ADGRL2: variants seen among roughly 807,000 people sequenced by gnomAD.
The protein encoded by ADGRL2 is adhesion G protein-coupled receptor L2.
Under a neutral mutation model 157.4 loss-of-function variants are expected in ADGRL2, and 44 were observed. The ratio of observed to expected loss-of-function variants is 0.28; its 90% CI spans 0.22 to 0.36. The LOEUF is 0.36. Ranked by LOEUF, ADGRL2 falls within the 10% of genes least tolerant of loss-of-function variation. The probability of loss-of-function intolerance (pLI) is 1.00; values close to 1 mark genes in which losing one functional copy is unlikely to be tolerated. For synonymous variants in ADGRL2, 585 were observed against 624.7 expected, an observed-to-expected ratio of 0.94 and a Z score of 0.95; for missense variants, 1,510 against 1,768.9, an observed-to-expected ratio of 0.85 and a Z score of 2.63.
At chr1:81,856,697 T>C (rs1250707377) in intron 2 of ADGRL2, among the ~76,000 whole-genome samples, 1 of 152,176 alleles carries the variant, frequency 6.6e-6, no homozygotes, top group African/African-American at 2.4e-5. Context: ...ATTTGATGGC[T>C]AATTTGTGAG....
intron 1 of ADGRL2, among the ~76,000 whole-genome samples, chr1:81,701,048 C>T (rs372704330): frequency 6.6e-6 from 1 of 152,328 alleles, no homozygotes. Context: ...GGCAAGCAGA[C>T]AGGGTACGGC....
At chr1:81,544,057 T>C (rs1227767620) in intron 2 of ADGRL2, among the ~76,000 whole-genome samples, 1 of 152,112 alleles carries the variant, frequency 6.6e-6, no homozygotes, top group Non-Finnish European at 1.5e-5. Context: ...AACCCACCTG[T>C]TTCAGATGCT....
intron 1 of ADGRL2, among the ~76,000 whole-genome samples, chr1:81,716,395 A>G (rs1383501189): frequency 6.6e-6 from 1 of 152,134 alleles, no homozygotes; most frequent in Non-Finnish European, 1.5e-5. Context: ...GAGTTCTTAT[A>G]CCCAAAGCAT....
intron 2 of ADGRL2, among the ~76,000 whole-genome samples, chr1:81,768,602 T>A (rs1450265898): frequency 6.6e-6 from 1 of 151,904 alleles, no homozygotes; most frequent in East Asian, 1.9e-4. Context: ...GCCTCCCAAC[T>A]GGCTGGGATT....
In ADGRL2 at chr1:81,573,912, T is replaced by C. The variant is rs57016699; in HGVS notation, c.-247-6964T>C. Reference sequence around the variant, plus strand: ...TCTCAAAGACTCAGACAACAATAGTTTTTCAATTGTTAGAGAAGTCTCTAA... The same window carrying C: ...TCTCAAAGACTCAGACAACAATAGTCTTTCAATTGTTAGAGAAGTCTCTAA... On this transcript the variant is annotated intron_variant, in intron 2 of 24. Transcript: ENST00000370721. 7.0e-3 allele frequency among the ~76,000 whole-genome samples: 1,062 copies of C among 152,238 alleles called. 22 individuals carry two copies. The highest frequency in any genetic ancestry group is 0.024 in the African/African-American group (996 of 41,536).
chr1:81,425,064 G>A (rs1328707810), intron 1 of ADGRL2, among the ~76,000 whole-genome samples: 1 of 152,174 alleles, frequency 6.6e-6, no homozygotes, highest in Non-Finnish European at 1.5e-5. Context: ...GGATTCATCA[G>A]CAGAGGCTTT....
chr1:81,692,572 A>G (rs2083364323), intron 3 of ADGRL2, among the ~76,000 whole-genome samples: 1 of 152,214 alleles, frequency 6.6e-6, no homozygotes, highest in Non-Finnish European at 1.5e-5. Flanking sequence ...TGTGCAAAAA[A>G]TGAGAATTGG....
At chr1:81,767,062 T>G (rs937009115) in intron 2 of ADGRL2, among the ~76,000 whole-genome samples, 1 of 152,240 alleles carries the variant, frequency 6.6e-6, no homozygotes, top group Non-Finnish European at 1.5e-5. Context: ...TCCTGAAATA[T>G]ATAATTGTTG....
At chr1:81,548,918 G>T (rs1047172143) in intron 2 of ADGRL2, among the ~76,000 whole-genome samples, 7 of 152,190 alleles carry the variant, frequency 4.6e-5, no homozygotes, top group African/African-American at 1.7e-4. Context: ...TTGAGAAGGT[G>T]TTCAAGAATT....
chr1:81,876,328 C>A (rs2093841092), intron 2 of ADGRL2, among the ~76,000 whole-genome samples: 1 of 151,998 alleles, frequency 6.6e-6, no homozygotes, highest in African/African-American at 2.4e-5. Flanking sequence ...TTTATATATA[C>A]TCTGTCAGGG....
chr1:81,814,250 A>G (rs954402118), intron 1 of ADGRL2, among the ~76,000 whole-genome samples: 5 of 151,648 alleles, frequency 3.3e-5, no homozygotes, highest in African/African-American at 1.2e-4. Flanking sequence ...CTTTGTATAT[A>G]CATTATTTAA....
intron 2 of ADGRL2, among the ~76,000 whole-genome samples, chr1:81,517,998 A>G (rs187914213): frequency 2.4e-4 from 36 of 152,358 alleles, no homozygotes; most frequent in Admixed American, 1.3e-4. Flanking sequence ...ACCTTGCTTC[A>G]TTTCCATACT....
upstream of ADGRL2, among the ~76,000 whole-genome samples, chr1:81,696,492 C>A (rs1355018190): frequency 6.6e-6 from 1 of 152,092 alleles, no homozygotes; most frequent in East Asian, 1.9e-4. Context: ...GTGGCTCACG[C>A]CTGTAATCCC....
intron 1 of ADGRL2, among the ~76,000 whole-genome samples, chr1:81,830,243 C>T (rs1030748912): frequency 1.3e-5 from 2 of 152,060 alleles, no homozygotes; most frequent in Admixed American, 6.6e-5. Flanking sequence ...GAATAACACT[C>T]GTTTTAGCAC....
At chr1:81,445,393 G>C (rs59491785) in intron 2 of ADGRL2, among the ~76,000 whole-genome samples, 6 of 152,144 alleles carry the variant, frequency 3.9e-5, no homozygotes, top group African/African-American at 1.4e-4. Flanking sequence ...TTCTGCCTTG[G>C]AGTATTCTTG....
chr1:81,411,621 G>A (rs887127340), intron 1 of ADGRL2, among the ~76,000 whole-genome samples: 3 of 152,152 alleles, frequency 2.0e-5, no homozygotes, highest in Non-Finnish European at 4.4e-5. Flanking sequence ...GGCCAGGAGC[G>A]GTGGCTCACG....
At chr1:81,905,390 G>A (rs577334356) in intron 2 of ADGRL2, among the ~76,000 whole-genome samples, 94 of 152,200 alleles carry the variant, frequency 6.2e-4, no homozygotes, top group Middle Eastern at 6.8e-3. Context: ...GAACCACAGC[G>A]CTAGACCTTA....
chr1:81,424,333 T>G (rs1262738900), intron 1 of ADGRL2, among the ~76,000 whole-genome samples: 1 of 152,228 alleles, frequency 6.6e-6, no homozygotes, highest in Non-Finnish European at 1.5e-5. Flanking sequence ...GAAAATTCCA[T>G]GTTCGTCTGT....
intron 2 of ADGRL2, among the ~76,000 whole-genome samples, chr1:81,576,291 T>C (rs774832793): frequency 1.6e-4 from 25 of 152,114 alleles, no homozygotes; most frequent in Non-Finnish European, 2.6e-4. Context: ...AGTCTTCCAC[T>C]TCTACCACTC....
Sources: allele counts gnomAD v4.1 joint callset (sites outside exome capture counted in the v4.1 genomes callset), GRCh38; gene constraint gnomAD v4.1.1; transcripts MANE v1.5; gene names NCBI Gene and HGNC (gene_info 2026-07-23, HGNC 2026-07-21).